ERBB4: variants seen among roughly 807,000 people sequenced by gnomAD.
The protein encoded by ERBB4 is receptor tyrosine-protein kinase erbB-4.
A neutral mutation model predicts 158.0 loss-of-function variants in ERBB4; 42 were observed. The observed-to-expected ratio is 0.27, with a 90% confidence interval of 0.21 to 0.34. The LOEUF (loss-of-function observed/expected upper bound fraction) is 0.34, where lower values mean the gene tolerates loss of function less well. Among genes scored for constraint, ERBB4 ranks in the 10% least tolerant of loss-of-function variants. The pLI is 1.00. For missense variants in ERBB4, 1,333 were observed against 1,624.1 expected (o/e 0.82, Z 3.08); for synonymous variants, 583 against 558.7 (o/e 1.04, Z -0.61).
intron 2 of ERBB4, among the ~76,000 whole-genome samples, chr2:212,044,087 T>C (rs2125379126): frequency 6.6e-6 from 1 of 152,226 alleles, no homozygotes; most frequent in African/African-American, 2.4e-5. Context: ...TCTGAGTGCT[T>C]TATGTGCATT....
intron 3 of ERBB4, among the ~76,000 whole-genome samples, chr2:211,883,112 C>T (rs1435059504): frequency 6.6e-6 from 1 of 152,166 alleles, no homozygotes; most frequent in East Asian, 1.9e-4. Context: ...GAATACTATG[C>T]AGCCATAAAA....
chr2:212,106,342 T>C (rs963368593), intron 2 of ERBB4, among the ~76,000 whole-genome samples: 3 of 152,218 alleles, frequency 2.0e-5, no homozygotes, highest in African/African-American at 7.2e-5. Flanking sequence ...TTGTTATGTT[T>C]TAACAAAGAC....
At chr2:211,694,066 C>T (rs1474797392) in intron 12 of ERBB4, among the ~76,000 whole-genome samples, 1 of 152,090 alleles carries the variant, frequency 6.6e-6, no homozygotes, top group Non-Finnish European at 1.5e-5. Context: ...GATGAAGGAC[C>T]TACCCTGCTC....
chr2:211,852,421 A>T (rs917915319), intron 3 of ERBB4, among the ~76,000 whole-genome samples: 1 of 151,866 alleles, frequency 6.6e-6, no homozygotes, highest in East Asian at 1.9e-4. Flanking sequence ...TTTATTTGGG[A>T]GAAGGGTTTG....
chr2:212,423,401 A>G (rs1159700793), intron 1 of ERBB4, among the ~76,000 whole-genome samples: 2 of 152,204 alleles, frequency 1.3e-5, no homozygotes, highest in African/African-American at 4.8e-5. Flanking sequence ...AAAGAAGACC[A>G]TGTATAGAGG....
chr2:212,245,259 G>C (rs1475931178), intron 1 of ERBB4, among the ~76,000 whole-genome samples: 1 of 152,024 alleles, frequency 6.6e-6, no homozygotes, highest in African/African-American at 2.4e-5. Flanking sequence ...AGTATTTTTT[G>C]GGTGTATTTT....
chr2:212,476,417 T>A (rs1052449878), intron 1 of ERBB4, among the ~76,000 whole-genome samples: 6 of 152,106 alleles, frequency 3.9e-5, no homozygotes, highest in Admixed American at 2.0e-4. Flanking sequence ...ATAGAAATTT[T>A]AAAAAACTCA....
chr2:212,347,526 T>G (rs943619257), intron 1 of ERBB4, among the ~76,000 whole-genome samples: 7 of 152,136 alleles, frequency 4.6e-5, no homozygotes, highest in Non-Finnish European at 7.4e-5. Flanking sequence ...TACAACTCTT[T>G]CCTTTCAGAT....
intron 7 of ERBB4, among the ~76,000 whole-genome samples, chr2:211,715,093 G>T (rs1234135032): frequency 6.6e-6 from 1 of 152,156 alleles, no homozygotes; most frequent in Non-Finnish European, 1.5e-5. Flanking sequence ...TTACCAACGG[G>T]TATAATTCTA....
intron 3 of ERBB4, among the ~76,000 whole-genome samples, chr2:211,941,073 C>T (rs1317401208): frequency 6.6e-6 from 1 of 152,064 alleles, no homozygotes; most frequent in Admixed American, 6.6e-5. Flanking sequence ...GCAAACAATA[C>T]TCTTTAAAAC....
At chr2:212,126,392 G>C (rs1179196947) in intron 1 of ERBB4, among the ~76,000 whole-genome samples, 3 of 148,370 alleles carry the variant, frequency 2.0e-5, no homozygotes, top group Non-Finnish European at 4.4e-5. Flanking sequence ...TCTGGGAGGA[G>C]GAGGTTGCAG....
chr2:211,430,334 A>G (rs1323422533), intron 21 of ERBB4, among the ~76,000 whole-genome samples: 1 of 152,108 alleles, frequency 6.6e-6, no homozygotes, highest in African/African-American at 2.4e-5. Context: ...TAGTTTGGCC[A>G]AGAAAGTCAA....
intron 1 of ERBB4, among the ~76,000 whole-genome samples, chr2:212,394,029 A>C (rs1340189354): frequency 6.6e-6 from 1 of 152,176 alleles, no homozygotes; most frequent in African/African-American, 2.4e-5. Flanking sequence ...TATAGAATCC[A>C]CTTGCATACC....
chr2:212,240,667 A>AAAAAAAAAAAAAAC (rs767678739), intron 1 of ERBB4, among the ~76,000 whole-genome samples: 4 of 128,128 alleles, frequency 3.1e-5, no homozygotes, highest in African/African-American at 6.0e-5. Context: ...AAAAAAAAAA[A>AAAAAAAAAAAAAAC]CAGAAAAAAA....
At chr2:212,502,635 T>C (rs112519113) in intron 1 of ERBB4, among the ~76,000 whole-genome samples, 2,116 of 152,280 alleles carry the variant, frequency 0.014, 52 homozygotes, top group African/African-American at 0.048. Flanking sequence ...CACAGCTTGA[T>C]CATATTTCTC....
intron 2 of ERBB4, among the ~76,000 whole-genome samples, chr2:212,023,885 T>C (rs1239039804): frequency 6.0e-5 from 9 of 151,184 alleles, no homozygotes; most frequent in Non-Finnish European, 1.0e-4. Flanking sequence ...TAGGACAAAA[T>C]AGAAAATATA....
intron 25 of ERBB4, among the ~76,000 whole-genome samples, chr2:211,411,407 C>T (rs1411883788): frequency 1.3e-5 from 2 of 151,988 alleles, no homozygotes; most frequent in African/African-American, 4.8e-5. Context: ...TTTTGATATC[C>T]CTGTAATTTC....
chr2:212,531,618 T>C (rs1692762088), intron 1 of ERBB4, among the ~76,000 whole-genome samples: 1 of 152,192 alleles, frequency 6.6e-6, no homozygotes, highest in South Asian at 2.1e-4. Context: ...AGGAACCCAC[T>C]GTTTATCCTT....
At chr2:212,393,670 C>A (rs114868048) in intron 1 of ERBB4, among the ~76,000 whole-genome samples, 1 of 151,982 alleles carries the variant, frequency 6.6e-6, no homozygotes, top group Non-Finnish European at 1.5e-5. Flanking sequence ...TCAGCTGGTA[C>A]AAGAAAGATC....
Sources: allele counts gnomAD v4.1 joint callset (sites outside exome capture counted in the v4.1 genomes callset), GRCh38; gene constraint gnomAD v4.1.1; transcripts MANE v1.5; gene names NCBI Gene and HGNC (gene_info 2026-07-23, HGNC 2026-07-21).